SLC12A2: variants seen among roughly 807,000 people sequenced by gnomAD.
SLC12A2 encodes solute carrier family 12 member 2.
Under a neutral mutation model 136.3 loss-of-function variants are expected in SLC12A2, and 67 were observed. That is an observed-to-expected ratio of 0.49 (90% CI 0.40 to 0.60). The LOEUF is 0.60. SLC12A2 is among the 20% of genes least tolerant of loss of function. The pLI, the probability that SLC12A2 is intolerant of heterozygous loss-of-function variation, is 0.00. For synonymous variants in SLC12A2, 619 were observed against 562.9 expected (o/e 1.10, Z -1.41); for missense variants, 1,322 against 1,534.7 (o/e 0.86, Z 2.32).
At chr5:128,176,289 G>A (rs906190110) in intron 20 of SLC12A2, among the ~76,000 whole-genome samples, 6 of 151,952 alleles carry the variant, frequency 3.9e-5, no homozygotes, top group East Asian at 1.9e-4. Context: ...AGTAATGAAA[G>A]TTTACTCAGC....
In SLC12A2 at chr5:128,144,742, CTGCT is replaced by C. The variant is rs542494168; in HGVS notation, c.1773+2764_1773+2767del. Among the ~76,000 whole-genome samples, 270 of 152,214 alleles carry C rather than the reference CTGCT, an allele frequency of 1.8e-3. No homozygotes were observed. In the Middle Eastern group the frequency reaches 0.024, roughly 13 times the overall value. ...CTTTTGCTTTAGTCATTGCTTCACT[CTGCT>C]TGGAATGCACCTGTGGTTTATTTTC... is the stretch of plus-strand genomic sequence containing the variant. On this transcript the variant is annotated intron_variant, in intron 10 of 26. Coordinates refer to ENST00000262461, the MANE Select transcript of SLC12A2 (RefSeq NM_001046.3).
intron 4 of SLC12A2, 54 bp from the exon 5 acceptor site, chr5:128,131,013 A>G (rs1581094755): frequency 6.4e-7 from 1 of 1,565,062 alleles, no homozygotes; most frequent in Non-Finnish European, 8.8e-7. Flanking sequence ...ATAATTTGGC[A>G]TTTTAAATCC....
chr5:128,182,883 A>G lies in SLC12A2; in HGVS notation c.3241A>G (p.Ile1081Val). The G allele has an allele frequency of 6.2e-7, 1 of 1,611,718 alleles. No individual in the cohort carries two copies. The highest frequency in any genetic ancestry group is 8.5e-7 in the Non-Finnish European group (1 of 1,178,482). Residue 1081 changes from isoleucine to valine, a missense_variant, in exon 24 of 27, where the codon ATA becomes GTA. Physicochemically the swap from Ile to Val is conservative, Grantham distance 29. Around this residue, in one of 8 missense-constraint regions of SLC12A2, gnomAD observed 172 missense variants for 227.4 expected, o/e 0.76. Coordinates refer to ENST00000262461, the MANE Select transcript of SLC12A2 (RefSeq NM_001046.3). ...AMATLLSKFRIDFSDIMVLGD... is the reference protein window; with the variant it reads ...AMATLLSKFRVDFSDIMVLGD... The stretch of plus-strand genomic sequence containing the variant: ...GGCTACTTTGCTTAGCAAGTTCCGG[A>G]TAGACTTTTCTGATATCATGGTTCT...
chr5:128,104,841 A>AT (rs1760877075), intron 1 of SLC12A2, among the ~76,000 whole-genome samples: 2 of 152,040 alleles, frequency 1.3e-5, no homozygotes, highest in African/African-American at 4.8e-5. Flanking sequence ...AAAGTATAGA[A>AT]TTTTAAAAAT....
intron 1 of SLC12A2, among the ~76,000 whole-genome samples, chr5:128,100,266 C>T (rs1462967715): frequency 6.6e-6 from 1 of 152,114 alleles, no homozygotes; most frequent in Admixed American, 6.6e-5. Context: ...GGCATTTCTA[C>T]TTAATAGTTT....
At chr5:128,135,671 A>G (rs1381596616) in intron 6 of SLC12A2, 29 bp from the exon 7 acceptor site, 1 of 1,340,958 alleles carries the variant, frequency 7.5e-7, no homozygotes. Context: ...AAGATACTTG[A>G]TTTTAATTTT....
intron 1 of SLC12A2, among the ~76,000 whole-genome samples, chr5:128,097,323 C>T (rs1321398936): frequency 6.6e-6 from 1 of 152,044 alleles, no homozygotes; most frequent in Non-Finnish European, 1.5e-5. Context: ...CTCTATCTAG[C>T]ATTAAGTAAC....
At chr5:128,143,168 T>C (rs1404806260) in intron 10 of SLC12A2, among the ~76,000 whole-genome samples, 2 of 152,284 alleles carry the variant, frequency 1.3e-5, no homozygotes, top group South Asian at 2.1e-4. Context: ...TGTATGTATT[T>C]TGTTAGATTT....
intron 19 of SLC12A2, among the ~76,000 whole-genome samples, chr5:128,174,271 A>T (rs1763473343): frequency 6.6e-6 from 1 of 152,050 alleles, no homozygotes. Flanking sequence ...TCTGATCCAG[A>T]AATCCCAAAT....
At chr5:128,173,827 A>G (rs530565167) in intron 19 of SLC12A2, among the ~76,000 whole-genome samples, 2 of 152,256 alleles carry the variant, frequency 1.3e-5, no homozygotes, top group East Asian at 3.9e-4. Flanking sequence ...TGTCTTTGTG[A>G]TACATGTTTG....
chr5:128,130,515 A>C (rs1295388743), intron 4 of SLC12A2, among the ~76,000 whole-genome samples: 3 of 16,186 alleles, frequency 1.9e-4, no homozygotes, highest in African/African-American at 1.3e-3. Context: ...ACTCTGTCTC[A>C]AAAAAAAAAA....
chr5:128,084,719 G>C lies in SLC12A2; in HGVS notation c.756+9G>C. The C allele has an allele frequency of 6.4e-7, 1 of 1,565,624 alleles. No homozygotes were observed. Among genetic ancestry groups the C allele is most frequent in the Non-Finnish European group, 8.7e-7 (1 of 1,153,634 alleles). Reference sequence around the variant, plus strand: ...ACGACGAGCTGGAAAAGGTGAGCTCGCCCAGCCCTCCCTTCTTCCCCAGCC... The same window carrying C: ...ACGACGAGCTGGAAAAGGTGAGCTCCCCCAGCCCTCCCTTCTTCCCCAGCC... On this transcript the variant is annotated intron_variant, in intron 1 of 26. Coordinates refer to ENST00000262461, the MANE Select transcript of SLC12A2 (RefSeq NM_001046.3). The surrounding 1 kb of genome is among the most constrained non-coding windows in gnomAD (Gnocchi z 5.6).
chr5:128,167,750 C>T lies in SLC12A2; in HGVS notation c.2617-11C>T, dbSNP rs779372316. On this transcript the variant is annotated splice_polypyrimidine_tract_variant and intron_variant, in intron 17 of 26. Coordinates refer to ENST00000262461, the MANE Select transcript of SLC12A2 (RefSeq NM_001046.3). Reference sequence around the variant, plus strand: ...ATATATCTGTAAAGTTATATTGACCCTATATTTTAGGCTGCTGGTCTTGGT... The same window carrying T: ...ATATATCTGTAAAGTTATATTGACCTTATATTTTAGGCTGCTGGTCTTGGT... 2 of 1,554,460 alleles carry T rather than the reference C, an allele frequency of 1.3e-6. No homozygotes were observed. Among genetic ancestry groups the T allele is most frequent in the Non-Finnish European group, 1.8e-6 (2 of 1,136,460 alleles).
chr5:128,153,916 T>G (rs1418682490), intron 15 of SLC12A2, among the ~76,000 whole-genome samples: 4 of 152,062 alleles, frequency 2.6e-5, no homozygotes, highest in African/African-American at 9.7e-5. Context: ...ATGAGAGCCC[T>G]GGGAGGAAAA....
Position 128,114,259 on chromosome 5 carries a change from G to A in SLC12A2, c.924G>A (p.Leu308=). The A allele has an allele frequency of 1.2e-6, 2 of 1,613,482 alleles. No individual in the cohort carries two copies. Among genetic ancestry groups the A allele is most frequent in the African/African-American group, 2.7e-5 (2 of 74,978 alleles). The change falls in exon 3 of 27, where the codon TTG becomes TTA. Residue 308 remains leucine (L), a synonymous_variant. Coordinates refer to ENST00000262461, the MANE Select transcript of SLC12A2 (RefSeq NM_001046.3). The part of the protein sequence containing the change: ...NIWGVMLFIR[L]SWIVGQAGIG... ...GGGGTGTGATGCTTTTCATTAGATT[G>A]TCATGGATTGTGGGTCAAGCTGGAA...
At chr5:128,165,098 T>C (rs536021669) in intron 17 of SLC12A2, among the ~76,000 whole-genome samples, 20 of 152,192 alleles carry the variant, frequency 1.3e-4, no homozygotes, top group South Asian at 1.2e-3. Context: ...TACCTCAGCC[T>C]CTCAAAGTGC....
intron 18 of SLC12A2, chr5:128,168,760 A>G (rs376556751): frequency 6.6e-5 from 10 of 152,130 alleles, no homozygotes; most frequent in African/African-American, 1.9e-4. Context: ...CCTTTGAGCA[A>G]TTGGTGCCGC....
chr5:128,130,298 T>A (rs1305131452), intron 4 of SLC12A2, among the ~76,000 whole-genome samples: 1 of 151,954 alleles, frequency 6.6e-6, no homozygotes, highest in African/African-American at 2.4e-5. Context: ...TTTGGGAAGC[T>A]GAGGTCAGGA....
intron 16 of SLC12A2, among the ~76,000 whole-genome samples, chr5:128,158,762 C>A (rs1762941607): frequency 6.6e-6 from 1 of 151,962 alleles, no homozygotes; most frequent in Admixed American, 6.6e-5. Context: ...GCTTTGAGTT[C>A]TTTGAGAAGG....
Sources: allele counts gnomAD v4.1 joint callset (sites outside exome capture counted in the v4.1 genomes callset), GRCh38; gene constraint gnomAD v4.1.1; regional missense constraint gnomAD v4.1.1; non-coding constraint Gnocchi (gnomAD v3.1); transcripts MANE v1.5; gene names NCBI Gene and HGNC (gene_info 2026-07-23, HGNC 2026-07-21).